The following DNAH8 variants were observed in gnomAD, a reference collection of about 807,000 sequenced individuals.
The protein encoded by DNAH8 is axonemal beta dynein heavy chain 8.
DNAH8 carries 382 observed loss-of-function variants against 562.1 expected under a neutral mutation model. The ratio of observed to expected loss-of-function variants is 0.68; its 90% CI spans 0.63 to 0.74. The LOEUF is 0.74. Among genes scored for constraint, DNAH8 ranks in the 30% least tolerant of loss-of-function variants. The pLI, the probability that DNAH8 is intolerant of heterozygous loss-of-function variation, is 0.00. For missense variants in DNAH8, 5,203 were observed against 5,620.4 expected, an observed-to-expected ratio of 0.93 and a Z score of 2.37; for synonymous variants, 1,881 against 1,919.4, an observed-to-expected ratio of 0.98 and a Z score of 0.52.
At position 39,012,643 on chromosome 6, in the gene DNAH8, T is replaced by A; in HGVS notation, c.13714+6T>A. ...TGGTTTCTTTAATCCCCAAGGTATGTGCTCATAGGAGATTTGGCAAGCTTG... is the reference window on the plus strand; with the variant it reads ...TGGTTTCTTTAATCCCCAAGGTATGAGCTCATAGGAGATTTGGCAAGCTTG... On this transcript the variant is annotated splice_donor_region_variant and intron_variant, in intron 91 of 92. Coordinates refer to ENST00000327475, the MANE Select transcript of DNAH8 (RefSeq NM_001206927.2). 2 of 1,609,122 alleles carry A rather than the reference T, an allele frequency of 1.2e-6. No homozygotes were observed. The highest frequency in any genetic ancestry group is 2.2e-5 in the South Asian group (2 of 90,974).
chr6:39,008,951 C>T lies in DNAH8; in HGVS notation c.13352C>T (p.Pro4451Leu), dbSNP rs1173362541. 1 of 1,610,438 alleles carries T rather than the reference C, an allele frequency of 6.2e-7. No homozygotes were observed. Among genetic ancestry groups the T allele is most frequent in the Non-Finnish European group, 8.5e-7 (1 of 1,177,276 alleles). Residue 4451 changes from proline to leucine, a missense_variant, in exon 89 of 93, where the codon CCT becomes CTT. Coordinates refer to ENST00000327475, the MANE Select transcript of DNAH8 (RefSeq NM_001206927.2). The part of the protein sequence containing the change: ...LSEDMLSKLP[P>L]DYIPHEVKSR... ...GAAGATATGCTGAGTAAACTCCCTC[C>T]TGATTACATTCCTCATGAGGTAAGT...
chr6:38,743,439 G>C (rs995201895), intron 8 of DNAH8, among the ~76,000 whole-genome samples: 2 of 152,052 alleles, frequency 1.3e-5, no homozygotes, highest in Admixed American at 1.3e-4. Context: ...GAACAATTCA[G>C]ATATTTTTAG....
In DNAH8 at chr6:38,866,748, A is replaced by C. The variant is rs141696755; in HGVS notation, c.6586-21A>C. The C allele has an allele frequency of 3.7e-6, 6 of 1,602,114 alleles. No homozygotes were observed. In the East Asian group the frequency reaches 1.3e-4, roughly 36 times the overall value. ...TTGTTTTTCACTAAAGTTGAAAAAA[A>C]CTCACTATATTAATTTTCAGATCAT... On this transcript the variant is annotated intron_variant, in intron 46 of 92. Coordinates refer to ENST00000327475, the MANE Select transcript of DNAH8 (RefSeq NM_001206927.2).
At chr6:38,868,490 A>T (rs1777228674) in intron 48 of DNAH8, among the ~76,000 whole-genome samples, 1 of 152,136 alleles carries the variant, frequency 6.6e-6, no homozygotes, top group African/African-American at 2.4e-5. Context: ...AAGTGACACA[A>T]ATTCTCAGCA....
In DNAH8 at chr6:38,748,514, T is replaced by C. The variant is rs180722074; in HGVS notation, c.1294-1962T>C. The stretch of plus-strand genomic sequence containing the variant: ...GCATATTATTTCTGTTTTTGCTGAG[T>C]AGACCTCTCCATTTCATGCTCTCTT... On this transcript the variant is annotated intron_variant, in intron 8 of 92. Coordinates refer to ENST00000327475, the MANE Select transcript of DNAH8 (RefSeq NM_001206927.2). Among the ~76,000 whole-genome samples the C allele has an allele frequency of 1.2e-3, 179 of 152,226 alleles. 1 individual carries two copies. Among genetic ancestry groups the C allele is most frequent in the African/African-American group, 4.0e-3 (166 of 41,532 alleles).
At chr6:38,869,430 G>T (rs1436809771) in intron 48 of DNAH8, among the ~76,000 whole-genome samples, 2 of 152,118 alleles carry the variant, frequency 1.3e-5, no homozygotes, top group Admixed American at 1.3e-4. Flanking sequence ...TGCAGTCTAA[G>T]CCTCCCTTAG....
At position 38,961,975 on chromosome 6, in the gene DNAH8, GT is replaced by G. The variant is rs1464017568; in HGVS notation, c.12452-9615del. On this transcript the variant is annotated intron_variant, in intron 82 of 92. Transcript: ENST00000327475. The stretch of plus-strand genomic sequence containing the variant: ...AACTATTAGACTTAATAGTCTAATA[GT>G]TCAGTGAGGTGACTGTTTACAAGAT... Among the ~76,000 whole-genome samples, 4 of 152,002 alleles carry G rather than the reference GT, an allele frequency of 2.6e-5. No individual in the cohort carries two copies. In the East Asian group the frequency reaches 5.8e-4, roughly 22 times the overall value.
intron 1 of DNAH8, among the ~76,000 whole-genome samples, chr6:38,721,465 ACTGCACC>A (rs778210073): frequency 5.3e-5 from 8 of 151,948 alleles, no homozygotes; most frequent in Non-Finnish European, 1.2e-4. Context: ...TGATCACGCC[ACTGCACC>A]CTAGCCCAGG....
At chr6:38,730,867 C>G (rs1050619708) in intron 4 of DNAH8, among the ~76,000 whole-genome samples, 4 of 152,144 alleles carry the variant, frequency 2.6e-5, no homozygotes, top group Non-Finnish European at 4.4e-5. Flanking sequence ...TCTCTCCTCA[C>G]CTGGCTTTTT....
intron 70 of DNAH8, among the ~76,000 whole-genome samples, chr6:38,920,756 G>GA (rs892856181): frequency 6.6e-6 from 1 of 151,632 alleles, no homozygotes; most frequent in African/African-American, 2.4e-5. Flanking sequence ...GAAATGAAAT[G>GA]AAAAAAAATC....
rs747041557 is a variant in DNAH8, at chr6:38,852,675, GT to G, written c.5467-15del. On this transcript the variant is annotated intron_variant, in intron 39 of 92. Transcript: ENST00000327475. ...TTTTGTGTCCAGCCTCATGTGTGAC[GT>G]TTTCCTCTGTCTTACAGCCGCATCT... is the stretch of plus-strand genomic sequence containing the variant. The G allele has an allele frequency of 3.9e-5, 62 of 1,587,490 alleles. No homozygotes were observed. The highest frequency in any genetic ancestry group is 5.0e-5 in the Non-Finnish European group (58 of 1,161,518).
intron 1 of DNAH8, among the ~76,000 whole-genome samples, chr6:38,718,384 ACT>A (rs1762498062): frequency 6.6e-6 from 1 of 152,032 alleles, no homozygotes. Flanking sequence ...TAATTGCATC[ACT>A]CTTATAAGTT....
At chr6:38,850,843 T>G (rs1226792745) in intron 38 of DNAH8, among the ~76,000 whole-genome samples, 1 of 152,208 alleles carries the variant, frequency 6.6e-6, no homozygotes, top group Non-Finnish European at 1.5e-5. Context: ...TCTTCTCCTC[T>G]TCCTGTGTGT....
intron 43 of DNAH8, among the ~76,000 whole-genome samples, chr6:38,861,492 A>G (rs953787129): frequency 6.6e-6 from 1 of 152,220 alleles, no homozygotes; most frequent in Non-Finnish European, 1.5e-5. Flanking sequence ...GAATTATTTC[A>G]TAGTGAAACT....
At position 38,891,414 on chromosome 6, in the gene DNAH8, G is replaced by A. The variant is rs113774438; in HGVS notation, c.8583+653G>A. On this transcript the variant is annotated intron_variant, in intron 58 of 92. Coordinates refer to ENST00000327475, the MANE Select transcript of DNAH8 (RefSeq NM_001206927.2). ...ATGAAGGAGATAAGGATTAGTTGTC[G>A]TAATTCACTACACATCCATTAGGCC... Among the ~76,000 whole-genome samples the A allele has an allele frequency of 3.7e-3, 562 of 152,310 alleles. 2 individuals carry two copies. Among genetic ancestry groups the A allele is most frequent in the Middle Eastern group, 0.014 (4 of 294 alleles).
chr6:38,969,129 C>T (rs1283499550), intron 82 of DNAH8, among the ~76,000 whole-genome samples: 1 of 151,834 alleles, frequency 6.6e-6, no homozygotes, highest in Non-Finnish European at 1.5e-5. Context: ...GAAGTGACTG[C>T]TAATGGGTAT....
intron 85 of DNAH8, among the ~76,000 whole-genome samples, chr6:38,976,223 C>T (rs1051671644): frequency 5.9e-5 from 9 of 152,226 alleles, no homozygotes; most frequent in Non-Finnish European, 1.2e-4. Context: ...GTTAGTTGAT[C>T]AAGTTATGTC....
chr6:38,840,776 A>T (rs1459836312), intron 33 of DNAH8, among the ~76,000 whole-genome samples: 4 of 152,336 alleles, frequency 2.6e-5, no homozygotes, highest in South Asian at 4.1e-4. Flanking sequence ...AATGAAAGCA[A>T]CTGTATTAAA....
intron 10 of DNAH8, among the ~76,000 whole-genome samples, chr6:38,760,358 G>A (rs2127606604): frequency 6.6e-6 from 1 of 152,216 alleles, no homozygotes; most frequent in Non-Finnish European, 1.5e-5. Context: ...GAGAAGCTTG[G>A]TGCTAATATG....
Sources: gnomAD v4.1 joint callset for allele counts (sites outside exome capture counted in the v4.1 genomes callset) on GRCh38, gnomAD v4.1.1 for gene constraint, MANE v1.5 for transcripts, NCBI Gene and HGNC (gene_info 2026-07-23, HGNC 2026-07-21) for gene names.